Variants in L3MBTL4 observed in about 807,000 individuals in gnomAD.
L3MBTL4 encodes lethal(3)malignant brain tumor-like protein 4.
In L3MBTL4, 70 loss-of-function variants were observed where a neutral mutation model predicts 84.5. That is an observed-to-expected ratio of 0.83 (90% confidence interval 0.68 to 1.01). The LOEUF (loss-of-function observed/expected upper bound fraction) is 1.01. Among genes scored for constraint, L3MBTL4 ranks in the 50% least tolerant of loss-of-function variants. The pLI, the probability that L3MBTL4 is intolerant of heterozygous loss-of-function variation, is 0.00. For missense variants in L3MBTL4, 715 were observed against 754.8 expected, an observed-to-expected ratio of 0.95 and a Z score of 0.62; for synonymous variants, 274 against 259.8, an observed-to-expected ratio of 1.05 and a Z score of -0.52.
chr18:6,269,387 G>A (rs1599418248), intron 4 of L3MBTL4, among the ~76,000 whole-genome samples: 1 of 152,132 alleles, frequency 6.6e-6, no homozygotes, highest in African/African-American at 2.4e-5. Context: ...AACCCGGGAA[G>A]GAGAGTGTAC....
chr18:6,269,389 A>G (rs547214716), intron 4 of L3MBTL4, among the ~76,000 whole-genome samples: 1 of 152,032 alleles, frequency 6.6e-6, no homozygotes, highest in African/African-American at 2.4e-5. Context: ...CCCGGGAAGG[A>G]GAGTGTACAG....
At chr18:6,242,244 G>A (rs1255746856) in intron 7 of L3MBTL4, among the ~76,000 whole-genome samples, 2 of 152,068 alleles carry the variant, frequency 1.3e-5, no homozygotes, top group African/African-American at 4.8e-5. Flanking sequence ...CTCCTGCCCC[G>A]GCGCCTGCTC....
chr18:6,041,260 G>A (rs573110089), intron 16 of L3MBTL4, among the ~76,000 whole-genome samples: 1 of 152,310 alleles, frequency 6.6e-6, no homozygotes, highest in African/African-American at 2.4e-5. Context: ...AGCCGCTTCT[G>A]GATCTACCTT....
intron 4 of L3MBTL4, 36 bp from the exon 5 acceptor site, chr18:6,264,074 A>C: frequency 7.1e-7 from 1 of 1,414,476 alleles, no homozygotes; most frequent in Non-Finnish European, 1.0e-6. Context: ...TCTCAAAATG[A>C]TTAGTGACAG....
At chr18:6,109,560 C>T (rs1191889931) in intron 14 of L3MBTL4, among the ~76,000 whole-genome samples, 1 of 152,082 alleles carries the variant, frequency 6.6e-6, no homozygotes. Flanking sequence ...TCATTAATAC[C>T]ATTCCAGAGC....
chr18:6,400,305 G>C (rs1237053189), intron 1 of L3MBTL4, among the ~76,000 whole-genome samples: 1 of 152,152 alleles, frequency 6.6e-6, no homozygotes, highest in Admixed American at 6.5e-5. Flanking sequence ...CACTTTGCCT[G>C]GGTGTTTTCA....
intron 16 of L3MBTL4, among the ~76,000 whole-genome samples, chr18:6,068,820 C>T (rs949862978): frequency 1.3e-5 from 2 of 152,158 alleles, no homozygotes; most frequent in African/African-American, 2.4e-5. Context: ...AATTGTGTCT[C>T]TGCTATAAGA....
intron 1 of L3MBTL4, among the ~76,000 whole-genome samples, chr18:6,385,156 C>T (rs2054765662): frequency 6.6e-6 from 1 of 152,180 alleles, no homozygotes; most frequent in Admixed American, 6.5e-5. Flanking sequence ...AATCCCAGCA[C>T]TCCGAGAGGC....
chr18:6,279,530 A>T (rs549359544), intron 4 of L3MBTL4, among the ~76,000 whole-genome samples: 3 of 152,234 alleles, frequency 2.0e-5, no homozygotes, highest in Non-Finnish European at 4.4e-5. Context: ...GAACAAAGAG[A>T]TCTCAGATTT....
intron 16 of L3MBTL4, chr18:6,030,627 T>G: frequency 1.2e-6 from 1 of 800,476 alleles, no homozygotes; most frequent in African/African-American, 1.9e-5. Context: ...GCTTCCTGAG[T>G]AGCTGGGATT....
rs5822890 is a variant in L3MBTL4, at chr18:6,314,036, TGATAGATAGATAGATAGATAGATA to T, written c.-90-2004_-90-1981del. Among the ~76,000 whole-genome samples the T allele has an allele frequency of 9.4e-3, 1,413 of 149,782 alleles. 9 individuals are homozygous for T. The highest frequency in any genetic ancestry group is 0.016 in the Non-Finnish European group (1,083 of 67,486). On this transcript the variant is annotated intron_variant, in intron 1 of 18. Transcript: ENST00000317931. ...GAATGTTATACAGATGGATGGCAGA[TGATAGATAGATAGATAGATAGATA>T]GATAGATAGATAGATAGATAGATAG... is the stretch of plus-strand genomic sequence containing the variant.
chr18:5,986,023 G>A (rs530525115), intron 16 of L3MBTL4, among the ~76,000 whole-genome samples: 1 of 152,246 alleles, frequency 6.6e-6, no homozygotes, highest in South Asian at 2.1e-4. Flanking sequence ...TCTTGGCTGA[G>A]GTCTGGAAAT....
intron 16 of L3MBTL4, among the ~76,000 whole-genome samples, chr18:6,051,260 C>T (rs1486137391): frequency 1.3e-5 from 2 of 152,298 alleles, no homozygotes; most frequent in African/African-American, 4.8e-5. Flanking sequence ...GGCAGCAGGC[C>T]GGGCGCAGTG....
At chr18:6,405,886 A>T (rs888550032) in intron 1 of L3MBTL4, among the ~76,000 whole-genome samples, 1 of 152,238 alleles carries the variant, frequency 6.6e-6, no homozygotes, top group Non-Finnish European at 1.5e-5. Flanking sequence ...AGTTTCCTGG[A>T]ACAGGTCCAG....
intron 16 of L3MBTL4, among the ~76,000 whole-genome samples, chr18:6,043,541 A>G (rs9961581): frequency 0.016 from 2,499 of 152,306 alleles, 74 homozygotes; most frequent in African/African-American, 0.057. Context: ...AATTATATTA[A>G]ATATCTTTGG....
chr18:6,147,434 T>A (rs564368732), intron 13 of L3MBTL4, among the ~76,000 whole-genome samples: 92 of 152,274 alleles, frequency 6.0e-4, no homozygotes, highest in African/African-American at 2.1e-3. Context: ...TTTCAGGACA[T>A]CATATTTCAT....
At chr18:5,990,644 C>G (rs1279653729) in intron 16 of L3MBTL4, among the ~76,000 whole-genome samples, 2 of 152,144 alleles carry the variant, frequency 1.3e-5, no homozygotes, top group Non-Finnish European at 2.9e-5. Context: ...TAATTGAGTC[C>G]CATGTTTCCT....
intron 16 of L3MBTL4, among the ~76,000 whole-genome samples, chr18:5,973,120 CA>C (rs1427555308): frequency 1.3e-5 from 2 of 152,160 alleles, no homozygotes; most frequent in East Asian, 3.8e-4. Flanking sequence ...AATGTGGGGA[CA>C]TACACCACTT....
chr18:6,336,834 T>A (rs1281436527), intron 1 of L3MBTL4, among the ~76,000 whole-genome samples: 2 of 152,184 alleles, frequency 1.3e-5, no homozygotes. Context: ...GACTTAAAAC[T>A]AGAACAGATC....
Sources: allele counts gnomAD v4.1 joint callset (sites outside exome capture counted in the v4.1 genomes callset), GRCh38; gene constraint gnomAD v4.1.1; transcripts MANE v1.5; gene names NCBI Gene and HGNC (gene_info 2026-07-23, HGNC 2026-07-21).